The following IQCJ variants were observed in gnomAD, a reference collection of about 807,000 sequenced individuals.
IQCJ encodes the protein IQ motif containing J.
IQCJ carries 9 observed loss-of-function variants against 11.0 expected under a neutral mutation model. That is an observed-to-expected ratio of 0.82 (90% CI 0.49 to 1.43). IQCJ has a LOEUF of 1.43. Ranked by LOEUF, IQCJ falls within the 40% of genes most tolerant of loss-of-function variation. IQCJ has a pLI of 0.00. For synonymous variants in IQCJ, 55 were observed against 51.3 expected, an observed-to-expected ratio of 1.07 and a Z score of -0.31; for missense variants, 146 against 133.2, an observed-to-expected ratio of 1.10 and a Z score of -0.47.
At chr3:159,113,510 C>G (rs910646720) in intron 1 of IQCJ, among the ~76,000 whole-genome samples, 1 of 152,342 alleles carries the variant, frequency 6.6e-6, no homozygotes, top group Non-Finnish European at 1.5e-5. Flanking sequence ...CTTACAGGGA[C>G]ATTCCATTTA....
intron 1 of IQCJ, among the ~76,000 whole-genome samples, chr3:159,193,805 G>A (rs1307694796): frequency 6.6e-6 from 1 of 152,166 alleles, no homozygotes; most frequent in African/African-American, 2.4e-5. Flanking sequence ...CGGGACGTTG[G>A]TCAGCAGTGA....
At chr3:159,218,341 TTGTGTGTGTGTG>T (rs34078356) in intron 1 of IQCJ, among the ~76,000 whole-genome samples, 3 of 145,914 alleles carry the variant, frequency 2.1e-5, no homozygotes, top group South Asian at 4.5e-4. Flanking sequence ...GAGTCCCTCT[TTGTGTGTGTGTG>T]TGTGTGTGTG....
intron 1 of IQCJ, among the ~76,000 whole-genome samples, chr3:159,160,049 A>G (rs944027512): frequency 1.2e-4 from 18 of 152,312 alleles, no homozygotes; most frequent in Admixed American, 7.8e-4. Flanking sequence ...CAGAGATACC[A>G]TGGTCTTCAT....
intron 1 of IQCJ, among the ~76,000 whole-genome samples, chr3:159,229,365 C>A (rs1726054845): frequency 6.6e-6 from 1 of 152,134 alleles, no homozygotes; most frequent in Admixed American, 6.5e-5. Context: ...CTTCTTTGAT[C>A]TCATTCTGTC....
intron 1 of IQCJ, among the ~76,000 whole-genome samples, chr3:159,159,121 G>A (rs1371136892): frequency 6.6e-6 from 1 of 152,150 alleles, no homozygotes; most frequent in Non-Finnish European, 1.5e-5. Context: ...AGGTGAAGCA[G>A]CATGGGTGTG....
chr3:159,124,312 A>C (rs555237552), intron 1 of IQCJ, among the ~76,000 whole-genome samples: 1 of 152,298 alleles, frequency 6.6e-6, no homozygotes, highest in Non-Finnish European at 1.5e-5. Context: ...TTGTGGCCAC[A>C]GTAATGTCTT....
At chr3:159,159,747 A>T (rs957804264) in intron 1 of IQCJ, among the ~76,000 whole-genome samples, 1 of 152,102 alleles carries the variant, frequency 6.6e-6, no homozygotes, top group Non-Finnish European at 1.5e-5. Flanking sequence ...ATGAGGGTGG[A>T]TCCCTCGTAA....
At chr3:159,259,967 A>T (rs1728108899) in intron 3 of IQCJ, among the ~76,000 whole-genome samples, 1 of 152,238 alleles carries the variant, frequency 6.6e-6, no homozygotes, top group Non-Finnish European at 1.5e-5. Context: ...TTACAAAAAA[A>T]CAGCTCCTGT....
intron 1 of IQCJ, among the ~76,000 whole-genome samples, chr3:159,112,423 G>A (rs1033139810): frequency 6.6e-6 from 1 of 152,040 alleles, no homozygotes; most frequent in Admixed American, 6.5e-5. Context: ...TTTCTTGTTG[G>A]AAGTTGTAGT....
chr3:159,083,589 A>C (rs1175064819), intron 1 of IQCJ, among the ~76,000 whole-genome samples: 1 of 152,192 alleles, frequency 6.6e-6, no homozygotes, highest in Non-Finnish European at 1.5e-5. Context: ...ACCATGCAAC[A>C]GTATAATTGC....
intron 2 of IQCJ, 49 bp downstream of exon 2, chr3:159,245,956 A>T: frequency 7.3e-7 from 1 of 1,375,524 alleles, no homozygotes; most frequent in Non-Finnish European, 9.9e-7. Context: ...GGAAAGCTTG[A>T]GTAAAAAGAA....
At chr3:159,224,060 T>C (rs1407556471) in intron 1 of IQCJ, among the ~76,000 whole-genome samples, 1 of 151,542 alleles carries the variant, frequency 6.6e-6, no homozygotes, top group African/African-American at 2.4e-5. Context: ...TAAAATATCA[T>C]TTCCCACTAA....
intron 3 of IQCJ, among the ~76,000 whole-genome samples, chr3:159,257,206 G>T (rs927724397): frequency 6.6e-6 from 1 of 152,170 alleles, no homozygotes; most frequent in African/African-American, 2.4e-5. Context: ...ACATTCTAGT[G>T]GGGGAAGAGG....
chr3:159,209,768 T>G (rs769133864), intron 1 of IQCJ, among the ~76,000 whole-genome samples: 7 of 152,080 alleles, frequency 4.6e-5, no homozygotes, highest in Non-Finnish European at 1.0e-4. Flanking sequence ...CACCTCTGTT[T>G]CAAGTCCTGT....
chr3:159,200,887 G>C (rs1050055199), intron 1 of IQCJ, among the ~76,000 whole-genome samples: 2 of 152,318 alleles, frequency 1.3e-5, no homozygotes, highest in Middle Eastern at 3.4e-3. Context: ...CCCACCTGTG[G>C]CTGAGCTGAG....
rs79163152 is a variant in IQCJ at position 159,197,725 on chromosome 3, T to A, written c.10-48118T>A. On this transcript the variant is annotated intron_variant, in intron 1 of 3. Coordinates refer to ENST00000397832, the MANE Select transcript of IQCJ (RefSeq NM_001042706.3). ...TGGGGATTAAGAGAGATGGGGGAAC[T>A]GAGACAAACTGCAGAGTTGTAGCCC... 8.9e-3 allele frequency among the ~76,000 whole-genome samples: 1,348 copies of A among 152,040 alleles called. 17 individuals carry two copies. Among genetic ancestry groups the A allele is most frequent in the African/African-American group, 0.031 (1,306 of 41,464 alleles).
intron 1 of IQCJ, among the ~76,000 whole-genome samples, chr3:159,091,847 AAGAG>A (rs1385072238): frequency 6.6e-6 from 1 of 151,904 alleles, no homozygotes; most frequent in South Asian, 2.1e-4. Context: ...TCTAAAAAGA[AAGAG>A]AAAGGAGGAA....
At chr3:159,073,785 T>C (rs1715739100) in intron 1 of IQCJ, among the ~76,000 whole-genome samples, 2 of 152,154 alleles carry the variant, frequency 1.3e-5, no homozygotes, top group South Asian at 4.1e-4. Flanking sequence ...TCCAAGGTTC[T>C]TTCTGTGGCA....
intron 1 of IQCJ, among the ~76,000 whole-genome samples, chr3:159,152,100 G>A (rs1031096381): frequency 2.0e-5 from 3 of 152,158 alleles, no homozygotes; most frequent in Non-Finnish European, 4.4e-5. Context: ...ATGGGGCAGT[G>A]GTGAGGGAGG....
Sources: allele counts gnomAD v4.1 joint callset (sites outside exome capture counted in the v4.1 genomes callset), GRCh38; gene constraint gnomAD v4.1.1; transcripts MANE v1.5; gene names NCBI Gene and HGNC (gene_info 2026-07-23, HGNC 2026-07-21).